The following GZMB variants were observed in gnomAD, a reference collection of about 807,000 sequenced individuals.
GZMB encodes T-cell serine protease 1-3E.
GZMB carries 27 observed loss-of-function variants against 24.2 expected under a neutral mutation model. The ratio of observed to expected loss-of-function variants is 1.12; its 90% CI spans 0.82 to 1.54. The LOEUF (loss-of-function observed/expected upper bound fraction) is 1.54. GZMB is among the 40% of genes most tolerant of loss of function. The probability of loss-of-function intolerance (pLI) is 0.00; values close to 1 mark genes in which losing one functional copy is unlikely to be tolerated. For synonymous variants in GZMB, 121 were observed against 115.1 expected (o/e 1.05, Z -0.33); for missense variants, 336 against 310.1 (o/e 1.08, Z -0.63).
chr14:24,631,390 C>T (rs1594827206), intron 4 of GZMB, 176 bp from the exon 5 acceptor site: 1 of 590,266 alleles, frequency 1.7e-6, no homozygotes, highest in Non-Finnish European at 3.0e-6. Flanking sequence ...GACATTGTTA[C>T]TGCTTCACCT....
chr14:24,631,304 T>A, intron 4 of GZMB, 90 bp from the exon 5 acceptor site: 1 of 1,128,510 alleles, frequency 8.9e-7, no homozygotes, highest in African/African-American at 1.5e-5. Flanking sequence ...AAAGGCCAAC[T>A]TGCACAGCCT....
intron 4 of GZMB, chr14:24,631,446 G>A (rs377289600): frequency 1.2e-4 from 71 of 568,276 alleles, no homozygotes; most frequent in South Asian, 4.4e-4. Flanking sequence ...TCCTGAGATC[G>A]GAGGTATGTG....
chr14:24,633,256 C>T (rs886182702), intron 1 of GZMB, 194 bp from the exon 2 acceptor site: 34 of 984,940 alleles, frequency 3.5e-5, no homozygotes, highest in African/African-American at 5.2e-5. Flanking sequence ...AATCTTTCTT[C>T]CATATGTAGT....
At chr14:24,632,608 G>T in intron 2 of GZMB, 149 bp from the exon 3 acceptor site, 1 of 1,284,520 alleles carries the variant, frequency 7.8e-7, no homozygotes, top group Non-Finnish European at 1.1e-6. Context: ...TCTGGTAATT[G>T]CACCAGGTTT....
chr14:24,633,657 G>A (rs2067017683), intron 1 of GZMB, among the ~76,000 whole-genome samples: 1 of 152,126 alleles, frequency 6.6e-6, no homozygotes, highest in African/African-American at 2.4e-5. Context: ...TTGGAGAATG[G>A]GACTGAGCAA....
rs759571695 is a variant in GZMB at position 24,633,042 on chromosome 14, C to T, written c.76G>A (p.Glu26Lys). The T allele has an allele frequency of 1.7e-5, 28 of 1,610,820 alleles. No homozygotes were observed. The highest frequency in any genetic ancestry group is 6.7e-5 in the Admixed American group (4 of 59,576). The stretch of plus-strand genomic sequence containing the variant: ...TAGGGGCGGGAGTGGGGCTTGGCCT[C>T]ATGTCCCCCGATGATCTCCCCTGAA... The part of the protein sequence containing the change: ...ADAGEIIGGH[E>K]AKPHSRPYMA... Residue 26 changes from glutamate to lysine, a missense_variant, in exon 2 of 5, where the codon GAG becomes AAG. Physicochemically the swap from Glu to Lys is moderately conservative, Grantham distance 56. Transcript: ENST00000216341.
chr14:24,632,515 G>A, intron 2 of GZMB, 56 bp from the exon 3 acceptor site: 2 of 1,612,320 alleles, frequency 1.2e-6, no homozygotes, highest in Non-Finnish European at 1.7e-6. Flanking sequence ...ACAGCCCAGA[G>A]ACAGTGAAGA....
At chr14:24,632,763 C>T (rs751849448) in intron 2 of GZMB, 152 bp downstream of exon 2, 2 of 876,072 alleles carry the variant, frequency 2.3e-6, no homozygotes, top group Middle Eastern at 2.1e-4. Flanking sequence ...CCAACCTTCC[C>T]CTCTCTCCAC....
intron 2 of GZMB, 129 bp downstream of exon 2, chr14:24,632,786 C>T (rs1211696621): frequency 1.0e-6 from 1 of 991,334 alleles, no homozygotes; most frequent in Non-Finnish European, 1.6e-6. Flanking sequence ...ACTTAACTGC[C>T]CTTTTCTCAC....
chr14:24,632,964 A>G lies in GZMB; in HGVS notation c.154T>C (p.Phe52Leu), dbSNP rs759793850. The change falls in exon 2 of 5, where the codon TTC becomes CTC. Residue 52 changes from phenylalanine to leucine, a missense_variant. Transcript: ENST00000216341. ...DQKSLKRCGG[F>L]LIRDDFVLTA... ...AGCACGAAGTCGTCTCGTATCAGGA[A>G]GCCACCGCACCTCTTCAGAGACTTC... 1.9e-6 allele frequency: 3 copies of G among 1,613,900 alleles called. No individual in the cohort carries two copies. The highest frequency in any genetic ancestry group is 3.3e-5 in the Admixed American group (2 of 59,984).
chr14:24,633,057 T>A lies in GZMB; in HGVS notation c.61A>T (p.Ile21Phe), dbSNP rs2067012954. 6.2e-7 allele frequency: 1 copy of A among 1,606,640 alleles called. No homozygotes were observed. Among genetic ancestry groups the A allele is most frequent in the Non-Finnish European group, 8.5e-7 (1 of 1,175,916 alleles). Residue 21 changes from isoleucine (I) to phenylalanine (F), a missense_variant, in exon 2 of 5, where the codon ATC (isoleucine) becomes TTC (phenylalanine). Ile to Phe is a conservative substitution (Grantham distance 21). Transcript: ENST00000216341. ...LLLPRADAGE[I>F]IGGHEAKPHS... Reference sequence around the variant, plus strand: ...GGCTTGGCCTCATGTCCCCCGATGATCTCCCCTGAAGGAAAAGTCTGTCTG... The same window carrying A: ...GGCTTGGCCTCATGTCCCCCGATGAACTCCCCTGAAGGAAAAGTCTGTCTG...
intron 1 of GZMB, chr14:24,633,314 C>T (rs2067015279): frequency 1.0e-6 from 1 of 985,070 alleles, no homozygotes; most frequent in East Asian, 1.1e-4. Flanking sequence ...CCAGAGGCTC[C>T]TGATCATTCC....
intron 4 of GZMB, chr14:24,631,614 C>T (rs1566569198): frequency 3.4e-6 from 2 of 582,018 alleles, no homozygotes; most frequent in Non-Finnish European, 6.1e-6. Flanking sequence ...TATCTGTGAC[C>T]TGGAGTGGGT....
intron 3 of GZMB, 80 bp from the exon 4 acceptor site, chr14:24,632,198 T>C: frequency 6.4e-7 from 1 of 1,554,828 alleles, no homozygotes; most frequent in Non-Finnish European, 8.8e-7. Flanking sequence ...TGCACAATCT[T>C]CCCTCTCCTC....
At chr14:24,631,277 T>G in intron 4 of GZMB, 63 bp from the exon 5 acceptor site, 2 of 1,482,674 alleles carry the variant, frequency 1.3e-6, no homozygotes, top group African/African-American at 2.8e-5. Flanking sequence ...CTCTTCCATC[T>G]CAAGCCCCCT....
At chr14:24,632,672 C>CT (rs8192918) in intron 2 of GZMB, 202,774 of 856,386 alleles carry the variant, frequency 0.24, 25,712 homozygotes, top group African/African-American at 0.35. Flanking sequence ...AGTTTGTATT[C>CT]TATGCCAAAG....
intron 1 of GZMB, chr14:24,633,796 C>G: frequency 2.4e-6 from 1 of 424,218 alleles, no homozygotes; most frequent in Non-Finnish European, 4.4e-6. Flanking sequence ...CAGGCCTACT[C>G]TAGAATAATT....
At position 24,632,047 on chromosome 14, in the gene GZMB, C is replaced by T; in HGVS notation, c.411G>A (p.Lys137=). 4 of 1,614,148 alleles carry T rather than the reference C, an allele frequency of 2.5e-6. No homozygotes were observed. The highest frequency in any genetic ancestry group is 2.2e-5 in the East Asian group (1 of 44,882). Residue 137 remains lysine, a synonymous_variant, in exon 4 of 5, where the codon AAG becomes AAA. Coordinates refer to ENST00000216341, the MANE Select transcript of GZMB (RefSeq NM_004131.6). ...LRLPSNKAQV[K]PGQTCSVAGW... is the part of the protein sequence containing the mutation. ...CGGCCACACTGCATGTCTGCCCTGG[C>T]TTCACCTGGGCCTTGTTGCTAGGTA... is the stretch of plus-strand genomic sequence containing the variant.
At chr14:24,631,516 G>A (rs2066994322) in intron 4 of GZMB, 2 of 544,172 alleles carry the variant, frequency 3.7e-6, no homozygotes, top group South Asian at 4.9e-5. Context: ...CCACCATGGA[G>A]GACCAGCCCA....
Sources: allele counts gnomAD v4.1 joint callset (sites outside exome capture counted in the v4.1 genomes callset), GRCh38; gene constraint gnomAD v4.1.1; transcripts MANE v1.5; gene names NCBI Gene and HGNC (gene_info 2026-07-23, HGNC 2026-07-21).